The following TOM1L1 variants were observed in gnomAD, a reference collection of about 807,000 sequenced individuals.
The protein encoded by TOM1L1 is target of myb1 like 1 membrane trafficking protein, also known as TOM1-like protein 1.
Under a neutral mutation model 63.4 loss-of-function variants are expected in TOM1L1, and 64 were observed. That is an observed-to-expected ratio of 1.01 (90% CI 0.83 to 1.24). TOM1L1 has a LOEUF of 1.24. Ranked by LOEUF, TOM1L1 falls within the 50% of genes most tolerant of loss-of-function variation. TOM1L1 has a pLI of 0.00. For missense variants in TOM1L1, 536 were observed against 567.0 expected (o/e 0.95, Z 0.55); for synonymous variants, 166 against 194.4 (o/e 0.85, Z 1.22).
chr17:54,915,951 A>G (rs2048581703), intron 7 of TOM1L1, 89 bp downstream of exon 7: 2 of 901,338 alleles, frequency 2.2e-6, no homozygotes, highest in South Asian at 1.4e-5. Flanking sequence ...ACACCTTAAT[A>G]TTGTCTAGTA....
rs2048577118 is a variant in TOM1L1, at chr17:54,915,765, A to T, written c.623A>T (p.Glu208Val). Residue 208 changes from glutamate to valine, a missense_variant, in exon 7 of 16, where the codon GAA becomes GTA. Transcript: ENST00000575882. ...CTACAGATTGGAAAACTGCACAGTGAATTGGATATGGTGAAAATGAATGTG... is the reference window on the plus strand; with the variant it reads ...CTACAGATTGGAAAACTGCACAGTGTATTGGATATGGTGAAAATGAATGTG... ...VPEQIGKLHS[E>V]LDMVKMNVRV... 1 of 1,610,896 alleles carries T rather than the reference A, an allele frequency of 6.2e-7. No individual in the cohort carries two copies. The highest frequency in any genetic ancestry group is 1.3e-5 in the African/African-American group (1 of 74,738).
At chr17:54,903,652 A>G in intron 1 of TOM1L1, 56 bp from the exon 2 acceptor site, 1 of 1,477,588 alleles carries the variant, frequency 6.8e-7, no homozygotes, top group East Asian at 2.3e-5. Flanking sequence ...TATTTCAGGA[A>G]TACCAGACAT....
rs1306034273 is a variant in TOM1L1, at chr17:54,936,486, CTG to C, written c.855-161_855-160del. ...AGTTTTCTCTGAGGGTATGAATACT[CTG>C]TAAGCTGGAAAAAGGTTATTAAAAG... On this transcript the variant is annotated intron_variant, in intron 8 of 15. Coordinates refer to ENST00000575882, the MANE Select transcript of TOM1L1 (RefSeq NM_005486.3). 1.2e-5 allele frequency: 7 copies of C among 596,886 alleles called. 1 individual carries two copies. Among genetic ancestry groups the C allele is most frequent in the African/African-American group, 7.6e-5 (4 of 52,358 alleles). The allele number at this position is 596,886 out of a possible 1,614,324, so 37.0% of individuals were successfully genotyped here.
intron 14 of TOM1L1, among the ~76,000 whole-genome samples, chr17:54,955,458 T>C (rs544844130): frequency 4.6e-5 from 7 of 152,290 alleles, no homozygotes; most frequent in African/African-American, 1.7e-4. Flanking sequence ...TTGGGTCTCC[T>C]CATCAAACTA....
intron 1 of TOM1L1, among the ~76,000 whole-genome samples, chr17:54,901,415 CT>C (rs1276779937): frequency 3.3e-5 from 5 of 152,116 alleles, no homozygotes; most frequent in Non-Finnish European, 7.3e-5. Context: ...ACCTGGATTA[CT>C]TTTCTGGGTA....
chr17:54,938,598 T>G, intron 10 of TOM1L1: 4 of 201,532 alleles, frequency 2.0e-5, no homozygotes, highest in Non-Finnish European at 3.9e-5. Context: ...GAACAAGATG[T>G]AAAATCCTTT....
chr17:54,929,959 C>T, intron 7 of TOM1L1, 114 bp from the exon 8 acceptor site: 2 of 1,325,072 alleles, frequency 1.5e-6, no homozygotes, highest in Non-Finnish European at 2.1e-6. Context: ...TTGGTAGTGC[C>T]CCACAGGCTA....
At chr17:54,950,872 T>C (rs1329819116) in intron 14 of TOM1L1, among the ~76,000 whole-genome samples, 3 of 152,202 alleles carry the variant, frequency 2.0e-5, no homozygotes, top group African/African-American at 4.8e-5. Flanking sequence ...CTCACTCTAA[T>C]ATAACAATGA....
chr17:54,949,976 AAAG>A (rs2049186712), intron 13 of TOM1L1, 66 bp from the exon 14 acceptor site: 1 of 1,245,836 alleles, frequency 8.0e-7, no homozygotes, highest in South Asian at 1.3e-5. Context: ...TAAATTATAA[AAAG>A]AATATCAATT....
chr17:54,901,020 C>CT, intron 1 of TOM1L1, 97 bp downstream of exon 1: 1 of 1,526,820 alleles, frequency 6.5e-7, no homozygotes. Flanking sequence ...GGAGTTAGTC[C>CT]AACTTGAAAA....
At chr17:54,908,881 G>A (rs929272534) in intron 3 of TOM1L1, among the ~76,000 whole-genome samples, 1 of 152,202 alleles carries the variant, frequency 6.6e-6, no homozygotes, top group African/African-American at 2.4e-5. Context: ...AGCTTCAGGG[G>A]TTTCATAAAA....
At chr17:54,901,311 T>C in intron 1 of TOM1L1, 1 of 228,124 alleles carries the variant, frequency 4.4e-6, no homozygotes, top group African/African-American at 2.2e-5. Context: ...GTTTTACAGA[T>C]CAGAAGAGGA....
intron 7 of TOM1L1, among the ~76,000 whole-genome samples, chr17:54,927,622 T>G (rs1275375126): frequency 6.6e-6 from 1 of 152,224 alleles, no homozygotes; most frequent in African/African-American, 2.4e-5. Context: ...GTCTCCGTGA[T>G]GGACATATGC....
intron 8 of TOM1L1, among the ~76,000 whole-genome samples, chr17:54,932,050 G>A (rs1467917594): frequency 6.6e-6 from 1 of 151,378 alleles, no homozygotes; most frequent in Non-Finnish European, 1.5e-5. Context: ...CACCTTCTGG[G>A]TTCAGGCGAT....
intron 14 of TOM1L1, 51 bp downstream of exon 14, chr17:54,950,177 A>T: frequency 7.2e-6 from 10 of 1,393,668 alleles, no homozygotes; most frequent in Non-Finnish European, 1.0e-5. Context: ...GTTCCCTTTG[A>T]TAGCAGAGCT....
intron 3 of TOM1L1, chr17:54,906,910 A>G: frequency 3.0e-6 from 2 of 666,390 alleles, no homozygotes; most frequent in Non-Finnish European, 3.7e-6. Context: ...AAGACTGTGC[A>G]TGGTCACGGC....
At position 54,961,604 on chromosome 17, in the gene TOM1L1, AATAG is replaced by A; in HGVS notation, c.*374_*377del. 2 of 1,174,616 alleles carry A rather than the reference AATAG, an allele frequency of 1.7e-6. No individual in the cohort carries two copies. Among genetic ancestry groups the A allele is most frequent in the Non-Finnish European group, 2.1e-6 (2 of 949,560 alleles). The allele number at this position is 1,174,616 out of a possible 1,614,324, so 72.8% of individuals were successfully genotyped here. A position where few individuals can be genotyped will look rare whatever the true frequency, so the allele number is the denominator to read the frequency against. On this transcript the variant is annotated 3_prime_UTR_variant, in exon 16 of 16. Transcript: ENST00000575882. ...ATTATTTTACTATGAAATAATTCTG[AATAG>A]ATGAAAGCATAAAATGTGAGAAACT...
intron 11 of TOM1L1, among the ~76,000 whole-genome samples, chr17:54,941,476 C>T (rs2049031756): frequency 6.6e-6 from 1 of 152,176 alleles, no homozygotes; most frequent in Non-Finnish European, 1.5e-5. Context: ...TTGGCTACCT[C>T]TTGTTTTGGC....
At chr17:54,913,231 G>T (rs2048523898) in intron 4 of TOM1L1, among the ~76,000 whole-genome samples, 1 of 152,164 alleles carries the variant, frequency 6.6e-6, no homozygotes, top group Admixed American at 6.5e-5. Context: ...AGATTTTGAG[G>T]CATGGAAATC....
Sources: allele counts gnomAD v4.1 joint callset (sites outside exome capture counted in the v4.1 genomes callset), GRCh38; gene constraint gnomAD v4.1.1; transcripts MANE v1.5; gene names NCBI Gene and HGNC (gene_info 2026-07-23, HGNC 2026-07-21).